AKAP13: variants seen among roughly 807,000 people sequenced by gnomAD.
The protein encoded by AKAP13 is A-kinase anchoring protein 13.
A neutral mutation model predicts 264.5 loss-of-function variants in AKAP13; 80 were observed. The ratio of observed to expected loss-of-function variants is 0.30; its 90% CI spans 0.25 to 0.36. The LOEUF (loss-of-function observed/expected upper bound fraction) is 0.36, where lower values mean the gene tolerates loss of function less well. Ranked by LOEUF, AKAP13 falls within the 10% of genes least tolerant of loss-of-function variation. AKAP13 has a pLI of 1.00. For synonymous variants in AKAP13, 1,380 were observed against 1,250.2 expected, an observed-to-expected ratio of 1.10 and a Z score of -2.19; for missense variants, 3,712 against 3,435.2, an observed-to-expected ratio of 1.08 and a Z score of -2.01.
intron 10 of AKAP13, among the ~76,000 whole-genome samples, chr15:85,647,416 A>G (rs1176368883): frequency 1.3e-5 from 2 of 152,040 alleles, no homozygotes; most frequent in Non-Finnish European, 2.9e-5. Flanking sequence ...AAAATAAAAT[A>G]AAATAGAAGT....
At chr15:85,651,392 T>C (rs1472815107) in intron 10 of AKAP13, 1 of 152,220 alleles carries the variant, frequency 6.6e-6, no homozygotes, top group African/African-American at 2.4e-5. Flanking sequence ...AAGTTACAAA[T>C]ATCGATATAC....
intron 2 of AKAP13, among the ~76,000 whole-genome samples, chr15:85,512,667 T>C (rs770792328): frequency 3.9e-4 from 59 of 152,304 alleles, no homozygotes; most frequent in Non-Finnish European, 6.9e-4. Flanking sequence ...TTCTCATCTC[T>C]AAAATGGAGA....
intron 17 of AKAP13, among the ~76,000 whole-genome samples, chr15:85,704,723 A>G (rs987929854): frequency 2.0e-5 from 3 of 152,236 alleles, no homozygotes; most frequent in Non-Finnish European, 2.9e-5. Context: ...AAGGCCAGAT[A>G]ATTATTTTCT....
At chr15:85,744,041 A>G in intron 36 of AKAP13, 2 of 573,432 alleles carry the variant, frequency 3.5e-6, no homozygotes, top group Non-Finnish European at 6.0e-6. Context: ...AGCAGAGAGC[A>G]TGGGTTTCAT....
chr15:85,562,694 T>TC (rs1567126754), intron 5 of AKAP13, among the ~76,000 whole-genome samples: 4 of 14,070 alleles, frequency 2.8e-4, no homozygotes, highest in East Asian at 1.8e-3. Flanking sequence ...TTCTTTTCTT[T>TC]TTTTTTTTTT....
At chr15:85,565,293 A>G (rs953503071) in intron 5 of AKAP13, among the ~76,000 whole-genome samples, 5 of 151,370 alleles carry the variant, frequency 3.3e-5, no homozygotes, top group Non-Finnish European at 5.9e-5. Context: ...TTCCTGCAGT[A>G]TTTATATTCG....
intron 4 of AKAP13, among the ~76,000 whole-genome samples, chr15:85,542,740 A>ACT (rs1483238996): frequency 3.9e-5 from 6 of 152,208 alleles, no homozygotes; most frequent in Non-Finnish European, 8.8e-5. Flanking sequence ...TGCTGAAGGA[A>ACT]GAGAGTATTG....
At chr15:85,470,837 C>G (rs1334669445) in intron 1 of AKAP13, among the ~76,000 whole-genome samples, 1 of 152,210 alleles carries the variant, frequency 6.6e-6, no homozygotes, top group Non-Finnish European at 1.5e-5. Flanking sequence ...AACAGAGATG[C>G]AGTATCTCAG....
At chr15:85,497,657 A>C (rs2075909974) in intron 2 of AKAP13, among the ~76,000 whole-genome samples, 1 of 152,214 alleles carries the variant, frequency 6.6e-6, no homozygotes, top group South Asian at 2.1e-4. Flanking sequence ...GTTTAATTAA[A>C]GTGAAATAAA....
At chr15:85,646,065 A>AG in intron 10 of AKAP13, 111 bp downstream of exon 10, 1 of 1,356,714 alleles carries the variant, frequency 7.4e-7, no homozygotes, top group Non-Finnish European at 1.0e-6. Context: ...CTGTTTCCCT[A>AG]AATATGTAAC....
At chr15:85,611,995 C>CCATTT (rs1450404360) in intron 8 of AKAP13, among the ~76,000 whole-genome samples, 1 of 152,158 alleles carries the variant, frequency 6.6e-6, no homozygotes, top group Non-Finnish European at 1.5e-5. Context: ...TATTTAATAT[C>CCATTT]CATTTTGTTC....
At chr15:85,571,714 G>A (rs1387804596) in intron 5 of AKAP13, among the ~76,000 whole-genome samples, 1 of 152,140 alleles carries the variant, frequency 6.6e-6, no homozygotes, top group Non-Finnish European at 1.5e-5. Flanking sequence ...AGGGATTTTG[G>A]TTTGCTTCAC....
At chr15:85,503,693 G>A (rs759395057) in intron 2 of AKAP13, among the ~76,000 whole-genome samples, 10 of 152,188 alleles carry the variant, frequency 6.6e-5, no homozygotes, top group Non-Finnish European at 1.2e-4. Flanking sequence ...TCAGGTAAAG[G>A]AGGCCCTTCA....
chr15:85,530,618 CATTT>C (rs2151184360), intron 3 of AKAP13, among the ~76,000 whole-genome samples: 1 of 152,256 alleles, frequency 6.6e-6, no homozygotes, highest in African/African-American at 2.4e-5. Flanking sequence ...CATTTATTGA[CATTT>C]ATTCATATCT....
chr15:85,740,189 G>C, intron 33 of AKAP13, 33 bp from the exon 34 acceptor site: 1 of 1,613,520 alleles, frequency 6.2e-7, no homozygotes, highest in South Asian at 1.1e-5. Context: ...ATAAAGCCCT[G>C]AAACGAATGT....
chr15:85,738,840 G>A (rs1406523977), intron 33 of AKAP13, among the ~76,000 whole-genome samples: 1 of 95,948 alleles, frequency 1.0e-5, no homozygotes, highest in Non-Finnish European at 2.0e-5. Flanking sequence ...GCGAGACTCC[G>A]TCTCAAAAAA....
At chr15:85,652,835 C>T (rs747659583) in intron 10 of AKAP13, among the ~76,000 whole-genome samples, 1 of 152,302 alleles carries the variant, frequency 6.6e-6, no homozygotes, top group East Asian at 1.9e-4. Context: ...GTATTCTCTC[C>T]TGTGTGTCTT....
At chr15:85,490,419 A>G (rs1234892196) in intron 2 of AKAP13, among the ~76,000 whole-genome samples, 1 of 152,212 alleles carries the variant, frequency 6.6e-6, no homozygotes, top group Admixed American at 6.5e-5. Flanking sequence ...GCTTGAAACT[A>G]CAGAGCAAGG....
chr15:85,403,631 A>G (rs1336850213), intron 1 of AKAP13, among the ~76,000 whole-genome samples: 2 of 152,150 alleles, frequency 1.3e-5, no homozygotes, highest in Non-Finnish European at 2.9e-5. Context: ...ACCTGAGGTC[A>G]GGAGTTCGAG....
Sources: gnomAD v4.1 joint callset for allele counts (sites outside exome capture counted in the v4.1 genomes callset) on GRCh38, gnomAD v4.1.1 for gene constraint, MANE v1.5 for transcripts, NCBI Gene and HGNC (gene_info 2026-07-23, HGNC 2026-07-21) for gene names.